DCC: variants seen among roughly 807,000 people sequenced by gnomAD.
DCC encodes the protein DCC netrin 1 receptor.
A neutral mutation model predicts 172.5 loss-of-function variants in DCC; 58 were observed. The ratio of observed to expected loss-of-function variants is 0.34; its 90% CI spans 0.27 to 0.42. The LOEUF is 0.42. Ranked by LOEUF, DCC falls within the 10% of genes least tolerant of loss-of-function variation. The probability of loss-of-function intolerance (pLI) is 1.00; values close to 1 mark genes in which losing one functional copy is unlikely to be tolerated. For synonymous variants in DCC, 709 were observed against 644.5 expected, an observed-to-expected ratio of 1.10 and a Z score of -1.52; for missense variants, 1,740 against 1,791.0, an observed-to-expected ratio of 0.97 and a Z score of 0.51.
intron 1 of DCC, among the ~76,000 whole-genome samples, chr18:52,662,755 A>G (rs1428594034): frequency 2.0e-5 from 3 of 152,242 alleles, no homozygotes; most frequent in Non-Finnish European, 4.4e-5. Context: ...GGCTGCTATA[A>G]CAAAATAGCA....
chr18:52,514,074 GT>G (rs373010584), intron 1 of DCC, among the ~76,000 whole-genome samples: 4 of 152,010 alleles, frequency 2.6e-5, no homozygotes, highest in African/African-American at 9.7e-5. Flanking sequence ...TTTCTTAAGA[GT>G]TGCACTCTTC....
At chr18:52,921,675 G>T (rs2040127024) in intron 3 of DCC, among the ~76,000 whole-genome samples, 1 of 149,930 alleles carries the variant, frequency 6.7e-6, no homozygotes, top group Non-Finnish European at 1.5e-5. Flanking sequence ...CTCCAGCCTG[G>T]GTGACAGAGA....
chr18:53,101,221 C>A (rs957806856), intron 7 of DCC, among the ~76,000 whole-genome samples: 3 of 152,048 alleles, frequency 2.0e-5, no homozygotes, highest in Non-Finnish European at 4.4e-5. Context: ...GGATGGATGG[C>A]GTGTCTGTCC....
intron 18 of DCC, among the ~76,000 whole-genome samples, chr18:53,399,475 G>A (rs983485525): frequency 6.6e-6 from 1 of 152,090 alleles, no homozygotes; most frequent in Non-Finnish European, 1.5e-5. Context: ...GAAGAGGAGA[G>A]GATGGGATGC....
At chr18:52,668,384 A>G (rs1478748906) in intron 1 of DCC, among the ~76,000 whole-genome samples, 1 of 152,236 alleles carries the variant, frequency 6.6e-6, no homozygotes, top group Non-Finnish European at 1.5e-5. Flanking sequence ...TACAGAACAA[A>G]AAGGGCATTT....
intron 5 of DCC, among the ~76,000 whole-genome samples, chr18:53,060,588 C>T (rs2042480143): frequency 6.6e-6 from 1 of 152,020 alleles, no homozygotes; most frequent in Non-Finnish European, 1.5e-5. Flanking sequence ...TTGAGGCATC[C>T]CTGTGGTACT....
In DCC at chr18:53,310,086, T is replaced by C. The variant is rs531860958; in HGVS notation, c.2053+4367T>C. Among the ~76,000 whole-genome samples the C allele has an allele frequency of 4.6e-5, 7 of 151,874 alleles. No individual in the cohort carries two copies. In the South Asian group the frequency reaches 1.5e-3, roughly 32 times the overall value. Reference sequence around the variant, plus strand: ...TGGAAAATCGTTCCCTCCTCTCCCCTGCTCTGTGACTGGGCTACAGAAACA... The same window carrying C: ...TGGAAAATCGTTCCCTCCTCTCCCCCGCTCTGTGACTGGGCTACAGAAACA... On this transcript the variant is annotated intron_variant, in intron 13 of 28. Coordinates refer to ENST00000442544, the MANE Select transcript of DCC (RefSeq NM_005215.4).
At chr18:53,012,369 C>A (rs1236650427) in intron 5 of DCC, among the ~76,000 whole-genome samples, 4 of 151,826 alleles carry the variant, frequency 2.6e-5, no homozygotes, top group Non-Finnish European at 5.9e-5. Context: ...AATTGATGTA[C>A]ACTACAATAT....
At chr18:52,641,251 AC>A (rs1484930244) in intron 1 of DCC, among the ~76,000 whole-genome samples, 1 of 152,214 alleles carries the variant, frequency 6.6e-6, no homozygotes, top group Non-Finnish European at 1.5e-5. Flanking sequence ...AAGACCTGAA[AC>A]TAAAAATTCT....
At chr18:52,698,107 T>C (rs1357771881) in intron 1 of DCC, among the ~76,000 whole-genome samples, 1 of 152,216 alleles carries the variant, frequency 6.6e-6, no homozygotes, top group Non-Finnish European at 1.5e-5. Context: ...CTTGGATAAA[T>C]GATTCCTTTT....
At chr18:52,953,020 A>AC (rs1316716071) in intron 5 of DCC, among the ~76,000 whole-genome samples, 1 of 150,848 alleles carries the variant, frequency 6.6e-6, no homozygotes, top group African/African-American at 2.4e-5. Context: ...AAAAAAAAAA[A>AC]AAAAAAAACT....
At chr18:52,425,050 C>T (rs1987378582) in intron 1 of DCC, among the ~76,000 whole-genome samples, 1 of 151,798 alleles carries the variant, frequency 6.6e-6, no homozygotes, top group South Asian at 2.1e-4. Flanking sequence ...TACATTGTAC[C>T]CATTAAGTAA....
chr18:52,968,594 A>G (rs2040972492), intron 5 of DCC, among the ~76,000 whole-genome samples: 1 of 152,114 alleles, frequency 6.6e-6, no homozygotes, highest in Non-Finnish European at 1.5e-5. Context: ...AATGTTTGGA[A>G]TTTACCTCTT....
intron 5 of DCC, among the ~76,000 whole-genome samples, chr18:52,962,945 G>C (rs2040866856): frequency 7.7e-6 from 1 of 129,614 alleles, no homozygotes; most frequent in African/African-American, 2.9e-5. Context: ...TCACACTCTA[G>C]GGACTGTTGT....
At chr18:52,410,672 A>G (rs1986814175) in intron 1 of DCC, among the ~76,000 whole-genome samples, 1 of 152,146 alleles carries the variant, frequency 6.6e-6, no homozygotes, top group Non-Finnish European at 1.5e-5. Context: ...GAAAGCCTGT[A>G]CTTCTACTGC....
At chr18:53,069,594 G>T (rs933599884) in intron 7 of DCC, among the ~76,000 whole-genome samples, 24 of 143,298 alleles carry the variant, frequency 1.7e-4, no homozygotes, top group African/African-American at 6.3e-4. Flanking sequence ...ATTTTCTGAA[G>T]AACTCACAGA....
At chr18:53,256,704 T>C (rs2056522076) in intron 12 of DCC, among the ~76,000 whole-genome samples, 1 of 152,220 alleles carries the variant, frequency 6.6e-6, no homozygotes, top group African/African-American at 2.4e-5. Context: ...GACTCTTTTT[T>C]GGTTCCATAC....
intron 1 of DCC, among the ~76,000 whole-genome samples, chr18:52,627,347 C>T (rs966366277): frequency 6.6e-6 from 1 of 152,052 alleles, no homozygotes; most frequent in East Asian, 1.9e-4. Flanking sequence ...GTTGGGTGGT[C>T]AGTTAATACT....
chr18:52,962,063 C>G (rs1355901886), intron 5 of DCC, among the ~76,000 whole-genome samples: 1 of 151,876 alleles, frequency 6.6e-6, no homozygotes, highest in East Asian at 1.9e-4. Context: ...GACTTCATGT[C>G]TAAAACACCA....
Sources: gnomAD v4.1 joint callset for allele counts (sites outside exome capture counted in the v4.1 genomes callset) on GRCh38, gnomAD v4.1.1 for gene constraint, MANE v1.5 for transcripts, NCBI Gene and HGNC (gene_info 2026-07-23, HGNC 2026-07-21) for gene names.